Variants in POF1B observed in about 807,000 individuals in gnomAD.
The protein encoded by POF1B is protein POF1B.
A neutral mutation model predicts 55.3 loss-of-function variants in POF1B; 53 were observed. The ratio of observed to expected loss-of-function variants is 0.96; its 90% CI spans 0.77 to 1.20. POF1B has a LOEUF of 1.20. Ranked by LOEUF, POF1B falls within the 50% of genes most tolerant of loss-of-function variation. The pLI is 0.00. For missense variants in POF1B, 478 were observed against 420.5 expected, an observed-to-expected ratio of 1.14 and a Z score of -1.20; for synonymous variants, 188 against 148.3, an observed-to-expected ratio of 1.27 and a Z score of -1.95.
intron 4 of POF1B, among the ~76,000 whole-genome samples, chrX:85,356,199 T>G (rs2147941798): frequency 9.2e-6 from 1 of 108,915 alleles, no homozygotes; most frequent in East Asian, 2.9e-4. Flanking sequence ...CTCAGTAAAC[T>G]ATTGCAAGGA....
At position 85,345,776 on chromosome X, in the gene POF1B, T is replaced by A. The variant is rs998838077; in HGVS notation, c.723+84A>T. 3.4e-6 allele frequency: 3 copies of A among 882,033 alleles called. No individual in the cohort carries two copies. In the East Asian group the frequency reaches 1.1e-4, roughly 31 times the overall value. The allele number at this position is 882,033 out of a possible 1,213,427, so 72.7% of individuals were successfully genotyped here. ...AACTTCTCAGTATTTTGATGAAAAT[T>A]TAATGGGAGCACCTGCATAGTGGTA... On this transcript the variant is annotated intron_variant, in intron 6 of 16. Coordinates refer to ENST00000262753, the MANE Select transcript of POF1B (RefSeq NM_024921.4).
intron 6 of POF1B, among the ~76,000 whole-genome samples, chrX:85,338,976 T>C (rs1241471608): frequency 9.0e-6 from 1 of 110,778 alleles, no homozygotes; most frequent in African/African-American, 3.3e-5. Flanking sequence ...CATACAAAAG[T>C]AGTAGCAAAA....
At chrX:85,343,456 G>T (rs760537682) in intron 6 of POF1B, among the ~76,000 whole-genome samples, 39 of 110,656 alleles carry the variant, frequency 3.5e-4, no homozygotes, top group African/African-American at 1.3e-3. Flanking sequence ...CTGTCATACA[G>T]TTCCCATCTC....
chrX:85,375,429 T>C (rs1933905032), intron 2 of POF1B, among the ~76,000 whole-genome samples: 1 of 111,375 alleles, frequency 9.0e-6, no homozygotes, highest in Non-Finnish European at 1.9e-5. Context: ...CCCAGCAATT[T>C]ATCAGACCTC....
chrX:85,317,738 T>C (rs1372594693), intron 7 of POF1B, among the ~76,000 whole-genome samples: 1 of 111,590 alleles, frequency 9.0e-6, no homozygotes, highest in African/African-American at 3.3e-5. Context: ...CAAAAGAATA[T>C]AAATAATTCT....
intron 6 of POF1B, among the ~76,000 whole-genome samples, chrX:85,339,028 G>GA (rs34500960): frequency 0.17 from 18,271 of 109,998 alleles, 2,990 homozygotes; most frequent in African/African-American, 0.51. Context: ...AGAGGGTAGA[G>GA]AAAAAGAAGG....
chrX:85,336,665 T>G (rs766505180), intron 6 of POF1B, among the ~76,000 whole-genome samples: 1 of 111,457 alleles, frequency 9.0e-6, no homozygotes, highest in East Asian at 2.8e-4. Flanking sequence ...ATTATTAGAT[T>G]TTTTTCCTAT....
chrX:85,352,178 G>A (rs1037078587), intron 4 of POF1B, among the ~76,000 whole-genome samples: 1 of 111,026 alleles, frequency 9.0e-6, no homozygotes, highest in African/African-American at 3.3e-5. Context: ...ATCAGACCAG[G>A]AGTCTAAAAT....
intron 9 of POF1B, among the ~76,000 whole-genome samples, chrX:85,309,246 ATT>A (rs1932643534): frequency 9.1e-6 from 1 of 109,392 alleles, no homozygotes; most frequent in Non-Finnish European, 1.9e-5. Context: ...TCTAGAGGAC[ATT>A]TAAACCACAT....
rs371554451 is a variant in POF1B at position 85,379,498 on chromosome X, A to G, written c.-41-3T>C. 133 of 1,174,881 alleles carry G rather than the reference A, an allele frequency of 1.1e-4. No homozygotes were observed. The South Asian group carries it at 2.2e-3, about 20-fold the overall frequency. ...AAGGGACCTCCCAGATGTTCTACCTAAGGAACAAACAGAGAAATATAATGG... is the reference window on the plus strand; with the variant it reads ...AAGGGACCTCCCAGATGTTCTACCTGAGGAACAAACAGAGAAATATAATGG... On this transcript the variant is annotated splice_region_variant and splice_polypyrimidine_tract_variant and intron_variant, in intron 1 of 16. Transcript: ENST00000262753.
In POF1B at chrX:85,307,262, G is replaced by T; in HGVS notation, c.1065C>A (p.Asp355Glu). ...ATAAATCTTTCTCAAGTCTCATCTT[G>T]TCATTTTCCAGTGACTAGAAGCATA... is the stretch of plus-strand genomic sequence containing the variant. Reference protein sequence around the residue: ...LQNDMTSLENDKMRLEKDLSF... With the variant: ...LQNDMTSLENEKMRLEKDLSF... Residue 355 changes from aspartate to glutamate, a missense_variant, in exon 11 of 17, where the codon GAC becomes GAA. Coordinates refer to ENST00000262753, the MANE Select transcript of POF1B (RefSeq NM_024921.4). The T allele has an allele frequency of 8.4e-7, 1 of 1,188,399 alleles. No homozygotes were observed. Among genetic ancestry groups the T allele is most frequent in the Non-Finnish European group, 1.1e-6 (1 of 879,720 alleles).
At chrX:85,306,083 C>A in intron 12 of POF1B, 98 bp downstream of exon 12, 1 of 959,427 alleles carries the variant, frequency 1.0e-6, no homozygotes, top group East Asian at 3.1e-5. Flanking sequence ...TAAGATCTAA[C>A]AGTATGTGAG....
intron 4 of POF1B, among the ~76,000 whole-genome samples, chrX:85,356,529 A>G (rs936137227): frequency 1.8e-5 from 2 of 110,633 alleles, no homozygotes; most frequent in East Asian, 5.7e-4. Flanking sequence ...TATTTTCGCC[A>G]TATTACTTGA....
chrX:85,279,101 T>G lies in POF1B; in HGVS notation c.*320A>C, dbSNP rs1931840983. 1 of 189,783 alleles carries G rather than the reference T, an allele frequency of 5.3e-6. No individual in the cohort carries two copies. The highest frequency in any genetic ancestry group is 3.0e-5 in the African/African-American group (1 of 33,868). The allele number at this position is 189,783 out of a possible 1,213,427, so 15.6% of individuals were successfully genotyped here. On this transcript the variant is annotated 3_prime_UTR_variant, in exon 17 of 17. Transcript: ENST00000262753. The stretch of plus-strand genomic sequence containing the variant: ...TCTACCCCAACAAATTAGTTTGATA[T>G]CTAGGAGTTACCTTATCTGAAACAT...
At chrX:85,285,379 C>T (rs1446629461) in intron 15 of POF1B, among the ~76,000 whole-genome samples, 1 of 110,798 alleles carries the variant, frequency 9.0e-6, no homozygotes, top group African/African-American at 3.3e-5. Flanking sequence ...CTATTCACAA[C>T]AGCAAAGACT....
At chrX:85,351,199 G>T (rs2147938309) in intron 5 of POF1B, 151 bp downstream of exon 5, 1 of 356,603 alleles carries the variant, frequency 2.8e-6, no homozygotes, top group East Asian at 4.9e-5. Context: ...AAAGTATTAA[G>T]GATGGTATGA....
At chrX:85,317,429 C>G (rs972480471) in intron 7 of POF1B, among the ~76,000 whole-genome samples, 1 of 109,522 alleles carries the variant, frequency 9.1e-6, no homozygotes, top group Non-Finnish European at 1.9e-5. Context: ...ACAACCATAC[C>G]AGAATCTGTC....
rs937216070 is a variant in POF1B at position 85,342,767 on chromosome X, G to A, written c.723+3093C>T. Among the ~76,000 whole-genome samples, 4 of 111,082 alleles carry A rather than the reference G, an allele frequency of 3.6e-5. No homozygotes were observed. In the East Asian group the frequency reaches 8.6e-4, roughly 24 times the overall value. On this transcript the variant is annotated intron_variant, in intron 6 of 16. Coordinates refer to ENST00000262753, the MANE Select transcript of POF1B (RefSeq NM_024921.4). ...TTAAAAGAGCCTAATCTATGTCTGC[G>A]CATCACTCTTTAAAGATACTCTTCT...
chrX:85,307,136 T>C, intron 11 of POF1B, 27 bp downstream of exon 11: 1 of 1,082,752 alleles, frequency 9.2e-7, no homozygotes, highest in Non-Finnish European at 1.3e-6. Context: ...TCAATGTAGA[T>C]TAACACCAAT....
Sources: allele counts gnomAD v4.1 joint callset (sites outside exome capture counted in the v4.1 genomes callset), GRCh38; gene constraint gnomAD v4.1.1; transcripts MANE v1.5; gene names NCBI Gene and HGNC (gene_info 2026-07-23, HGNC 2026-07-21).